RHOT1: variants seen among roughly 807,000 people sequenced by gnomAD.
RHOT1 encodes mitochondrial Rho GTPase 1.
Under a neutral mutation model 95.3 loss-of-function variants are expected in RHOT1, and 27 were observed. The observed-to-expected ratio is 0.28, with a 90% CI of 0.21 to 0.39. The LOEUF is 0.39. Ranked by LOEUF, RHOT1 falls within the 10% of genes least tolerant of loss-of-function variation. The pLI, the probability that RHOT1 is intolerant of heterozygous loss-of-function variation, is 1.00. For missense variants in RHOT1, 578 were observed against 786.7 expected (o/e 0.73, Z 3.17); for synonymous variants, 227 against 263.5 (o/e 0.86, Z 1.34).
intron 11 of RHOT1, among the ~76,000 whole-genome samples, chr17:32,196,424 T>C (rs191465401): frequency 6.6e-6 from 1 of 152,224 alleles, no homozygotes; most frequent in Admixed American, 6.5e-5. Flanking sequence ...TCTTTCAGGC[T>C]CAAGAAATCC....
intron 14 of RHOT1, among the ~76,000 whole-genome samples, 171 bp from the exon 15 acceptor site, chr17:32,202,599 G>A (rs557924315): frequency 6.6e-6 from 1 of 152,216 alleles, no homozygotes; most frequent in African/African-American, 2.4e-5. Flanking sequence ...TCTGCATTCT[G>A]TGTACTTCAT....
rs370647998 is a variant in RHOT1, at chr17:32,171,108, A to G, written c.96+7A>G. 6.4e-6 allele frequency: 10 copies of G among 1,561,450 alleles called. No homozygotes were observed. The highest frequency in any genetic ancestry group is 3.5e-5 in the South Asian group (3 of 86,776). On this transcript the variant is annotated splice_region_variant and intron_variant, in intron 2 of 19. Transcript: ENST00000545287. ...TGAAGAATTTCCAGAAGAGGTAAACATTTTGATTTCCATATTTAAATTTTA... is the reference window on the plus strand; with the variant it reads ...TGAAGAATTTCCAGAAGAGGTAAACGTTTTGATTTCCATATTTAAATTTTA...
intron 1 of RHOT1, among the ~76,000 whole-genome samples, chr17:32,146,485 G>A (rs944654935): frequency 1.3e-5 from 2 of 150,818 alleles, no homozygotes; most frequent in Non-Finnish European, 2.9e-5. Context: ...TCGCTTTGTC[G>A]CCCAGGCTGG....
At chr17:32,154,050 C>T (rs904088135) in intron 1 of RHOT1, among the ~76,000 whole-genome samples, 2 of 151,646 alleles carry the variant, frequency 1.3e-5, no homozygotes, top group Non-Finnish European at 2.9e-5. Context: ...TACCTTTAGT[C>T]CCAGAACTTT....
At chr17:32,145,259 C>T (rs1458209351) in intron 1 of RHOT1, among the ~76,000 whole-genome samples, 1 of 152,116 alleles carries the variant, frequency 6.6e-6, no homozygotes, top group East Asian at 1.9e-4. Context: ...GAGATCACAC[C>T]ACTGCATTCC....
chr17:32,166,111 C>T (rs560324914), intron 1 of RHOT1, among the ~76,000 whole-genome samples: 17 of 151,060 alleles, frequency 1.1e-4, no homozygotes, highest in African/African-American at 4.1e-4. Context: ...TCGCTTGAAC[C>T]TGGGTGGCAG....
rs2035733219 is a variant in RHOT1 at position 32,182,652 on chromosome 17, A to G, written c.330-105A>G. 8.6e-6 allele frequency: 6 copies of G among 694,436 alleles called. No homozygotes were observed. In the East Asian group the frequency reaches 1.7e-4, roughly 19 times the overall value. 43.0% of individuals were successfully genotyped at this position (694,436 alleles called of 1,614,324 possible). On this transcript the variant is annotated intron_variant, in intron 6 of 19. Transcript: ENST00000545287. ...GTAGAGAAAGGTTCATGTTGTTGAG[A>G]AGATTAAATAAAAGCTTTTTAGTTA...
intron 8 of RHOT1, among the ~76,000 whole-genome samples, chr17:32,184,644 C>G (rs1401921486): frequency 6.6e-6 from 1 of 151,980 alleles, no homozygotes; most frequent in Non-Finnish European, 1.5e-5. Flanking sequence ...GCATTCGCCA[C>G]CGTGCCCAGC....
intron 19 of RHOT1, among the ~76,000 whole-genome samples, chr17:32,216,446 A>G (rs1295886997): frequency 6.6e-6 from 1 of 152,072 alleles, no homozygotes; most frequent in Non-Finnish European, 1.5e-5. Flanking sequence ...TTGTTGGTTC[A>G]TGTTACTTCT....
At chr17:32,206,880 A>T in intron 16 of RHOT1, 30 bp from the exon 17 acceptor site, 1 of 1,444,306 alleles carries the variant, frequency 6.9e-7, no homozygotes, top group Non-Finnish European at 9.6e-7. Flanking sequence ...TATGATACTT[A>T]TATTTTTCAT....
chr17:32,215,284 T>C (rs1360789334), intron 19 of RHOT1, among the ~76,000 whole-genome samples: 1 of 152,194 alleles, frequency 6.6e-6, no homozygotes, highest in African/African-American at 2.4e-5. Flanking sequence ...CACATTGTTT[T>C]AGTGTGCTTG....
At chr17:32,190,434 GAC>G (rs1239100930) in intron 8 of RHOT1, among the ~76,000 whole-genome samples, 6 of 151,818 alleles carry the variant, frequency 4.0e-5, no homozygotes, top group Non-Finnish European at 8.8e-5. Flanking sequence ...CAGCCTAGGC[GAC>G]AGAGCAAGAT....
At chr17:32,151,515 A>C in intron 1 of RHOT1, 1 of 580,084 alleles carries the variant, frequency 1.7e-6, no homozygotes, top group Non-Finnish European at 3.1e-6. Context: ...ATGGTTTCTG[A>C]AATCTGTCAT....
chr17:32,195,604 G>A (rs969722254), intron 11 of RHOT1, among the ~76,000 whole-genome samples: 4 of 152,046 alleles, frequency 2.6e-5, no homozygotes, highest in African/African-American at 9.7e-5. Context: ...TTTTTCATTG[G>A]CACATTACCT....
rs538016606 is a variant in RHOT1 at position 32,145,388 on chromosome 17, G to A, written c.37+2659G>A. On this transcript the variant is annotated intron_variant, in intron 1 of 19. Coordinates refer to ENST00000545287, the MANE Select transcript of RHOT1 (RefSeq NM_001033566.3). ...TTTTAAATTAAATTGAGATATATTTGTTTTCTACTAGTTAAGTTCCTTAAG... is the reference window on the plus strand; with the variant it reads ...TTTTAAATTAAATTGAGATATATTTATTTTCTACTAGTTAAGTTCCTTAAG... Among the ~76,000 whole-genome samples, 49 of 152,168 alleles carry A rather than the reference G, an allele frequency of 3.2e-4. 1 individual carries two copies. The highest frequency in any genetic ancestry group is 9.4e-4 in the African/African-American group (39 of 41,534).
At chr17:32,182,936 G>A in intron 7 of RHOT1, 71 bp downstream of exon 7, 1 of 947,710 alleles carries the variant, frequency 1.1e-6, no homozygotes, top group Non-Finnish European at 1.6e-6. Flanking sequence ...TTAAATAGGG[G>A]GGACAATGTG....
intron 1 of RHOT1, among the ~76,000 whole-genome samples, chr17:32,155,006 G>C (rs908224247): frequency 6.6e-6 from 1 of 151,912 alleles, no homozygotes; most frequent in East Asian, 1.9e-4. Flanking sequence ...ATCACCTGGG[G>C]CCAGGAAGTT....
At chr17:32,179,555 GC>G (rs1254936081) in intron 6 of RHOT1, 3 of 134,740 alleles carry the variant, frequency 2.2e-5, no homozygotes, top group Non-Finnish European at 4.5e-5. Context: ...CCTCTGCCCG[GC>G]CGCCCATCGT....
At chr17:32,151,991 A>C (rs1000831690) in intron 1 of RHOT1, among the ~76,000 whole-genome samples, 2 of 152,082 alleles carry the variant, frequency 1.3e-5, no homozygotes, top group Non-Finnish European at 2.9e-5. Flanking sequence ...CACAAACTAG[A>C]TGGTATTTTT....
Sources: allele counts gnomAD v4.1 joint callset (sites outside exome capture counted in the v4.1 genomes callset), GRCh38; gene constraint gnomAD v4.1.1; transcripts MANE v1.5; gene names NCBI Gene and HGNC (gene_info 2026-07-23, HGNC 2026-07-21).